Variants in PSD3 observed in about 807,000 individuals in gnomAD.
PSD3 encodes PH and SEC7 domain-containing protein 3.
Under a neutral mutation model 105.5 loss-of-function variants are expected in PSD3, and 49 were observed. The observed-to-expected ratio is 0.46, with a 90% CI of 0.37 to 0.59. PSD3 has a LOEUF of 0.59. PSD3 is among the 20% of genes least tolerant of loss of function. The pLI is 0.00. For synonymous variants in PSD3, 557 were observed against 457.8 expected, an observed-to-expected ratio of 1.22 and a Z score of -2.77; for missense variants, 1,561 against 1,263.8, an observed-to-expected ratio of 1.24 and a Z score of -3.57.
chr8:18,802,417 A>T lies in PSD3; in HGVS notation c.1911-1035T>A, dbSNP rs185634050. On this transcript the variant is annotated intron_variant, in intron 6 of 15. Coordinates refer to ENST00000327040, the MANE Select transcript of PSD3 (RefSeq NM_015310.4). Reference sequence around the variant, plus strand: ...ATGTCTAAGAAATCTTACTATGGTAAAAAACATACCATGAGCCTCATTTCT... The same window carrying T: ...ATGTCTAAGAAATCTTACTATGGTATAAAACATACCATGAGCCTCATTTCT... 14 of 389,428 alleles carry T rather than the reference A, an allele frequency of 3.6e-5. No individual in the cohort carries two copies. The East Asian group carries it at 1.0e-3, about 28-fold the overall frequency. 24.1% of individuals were successfully genotyped at this position (389,428 alleles called of 1,614,324 possible). A position where few individuals can be genotyped will look rare whatever the true frequency, so the allele number is the denominator to read the frequency against.
At chr8:18,848,694 T>C (rs564881470) in intron 4 of PSD3, among the ~76,000 whole-genome samples, 3 of 152,326 alleles carry the variant, frequency 2.0e-5, no homozygotes, top group Non-Finnish European at 4.4e-5. Context: ...AAAATGTTTT[T>C]CTCCTTTAAA....
At chr8:18,711,777 G>C (rs1297223897) in intron 9 of PSD3, among the ~76,000 whole-genome samples, 1 of 152,142 alleles carries the variant, frequency 6.6e-6, no homozygotes, top group African/African-American at 2.4e-5. Context: ...GGATCAAGCA[G>C]ACCTGACAGG....
At chr8:18,536,134 G>T (rs762717345) in intron 15 of PSD3, among the ~76,000 whole-genome samples, 176 bp from the exon 16 acceptor site, 1 of 152,212 alleles carries the variant, frequency 6.6e-6, no homozygotes, top group East Asian at 1.9e-4. Context: ...CAACTACAGA[G>T]ACTGTCTTAT....
rs142707093 is a variant in PSD3, at chr8:19,077,620, A to G, written c.324+6586T>C. Among the ~76,000 whole-genome samples the G allele has an allele frequency of 1.1e-3, 175 of 152,334 alleles. 1 individual carries two copies. Among genetic ancestry groups the G allele is most frequent in the African/African-American group, 3.9e-3 (164 of 41,574 alleles). On this transcript the variant is annotated intron_variant, in intron 1 of 1. Coordinates refer to the PSD3 transcript ENST00000521475. The stretch of plus-strand genomic sequence containing the variant: ...TAAGAGTGTAAACCGATTGCTTTGT[A>G]TAAATGTTTTATCAGAGCTCTCTCA...
intron 1 of PSD3, among the ~76,000 whole-genome samples, chr8:19,060,846 G>T (rs1828873519): frequency 6.6e-6 from 1 of 152,220 alleles, no homozygotes; most frequent in African/African-American, 2.4e-5. Context: ...AGTCATGCAA[G>T]GGCACGAGCT....
chr8:18,734,251 C>T (rs1354481042), intron 9 of PSD3: 1 of 152,146 alleles, frequency 6.6e-6, no homozygotes, highest in East Asian at 1.9e-4. Context: ...CAAGTTTCTT[C>T]ATCTATAAAA....
intron 9 of PSD3, among the ~76,000 whole-genome samples, chr8:18,763,829 T>G (rs542397961): frequency 1.3e-5 from 2 of 152,218 alleles, no homozygotes; most frequent in South Asian, 2.1e-4. Flanking sequence ...ATACTTCACT[T>G]GACAATTACC....
intron 8 of PSD3, among the ~76,000 whole-genome samples, chr8:18,789,198 C>T (rs1809468820): frequency 6.6e-6 from 1 of 152,152 alleles, no homozygotes; most frequent in African/African-American, 2.4e-5. Context: ...TTCCAGATGT[C>T]CATGAGGTCA....
intron 4 of PSD3, among the ~76,000 whole-genome samples, chr8:18,848,397 T>C (rs1212553410): frequency 1.3e-5 from 2 of 152,198 alleles, no homozygotes; most frequent in South Asian, 2.1e-4. Context: ...TCTTAGCCTC[T>C]TGCCAGAGCT....
At chr8:18,578,661 G>A (rs1342359929) in intron 12 of PSD3, among the ~76,000 whole-genome samples, 1 of 151,546 alleles carries the variant, frequency 6.6e-6, no homozygotes, top group East Asian at 1.9e-4. Context: ...TATTCTTCGA[G>A]TATATTATCT....
exon 1 of PSD3, chr8:19,084,554 C>G (rs991744718): frequency 1.3e-5 from 5 of 385,306 alleles, no homozygotes; most frequent in African/African-American, 1.0e-4. Context: ...TAGGAAGCCT[C>G]CATGCCAGGG....
chr8:18,924,614 G>C (rs1821244576), intron 2 of PSD3: 1 of 152,170 alleles, frequency 6.6e-6, no homozygotes, highest in Non-Finnish European at 1.5e-5. Flanking sequence ...ATAACTCGTA[G>C]GTTTCCTGGG....
chr8:18,808,726 T>C, intron 4 of PSD3: 1 of 1,613,938 alleles, frequency 6.2e-7, no homozygotes. Context: ...ATCAGAAAGC[T>C]TGACAATATG....
chr8:18,988,831 T>A (rs1225684731), intron 1 of PSD3, among the ~76,000 whole-genome samples: 1 of 152,206 alleles, frequency 6.6e-6, no homozygotes, highest in Admixed American at 6.5e-5. Flanking sequence ...TCTTAACCAT[T>A]GTTTTACAAG....
At chr8:18,659,468 C>T (rs529699898) in intron 9 of PSD3, among the ~76,000 whole-genome samples, 182 of 152,322 alleles carry the variant, frequency 1.2e-3, no homozygotes, top group African/African-American at 4.2e-3. Flanking sequence ...TAATTAACTT[C>T]TCTCCACATT....
chr8:18,906,582 A>T (rs558398649), intron 2 of PSD3, among the ~76,000 whole-genome samples: 1 of 152,332 alleles, frequency 6.6e-6, no homozygotes, highest in African/African-American at 2.4e-5. Flanking sequence ...CAGGTTTTGT[A>T]GGGACAATAT....
intron 9 of PSD3, among the ~76,000 whole-genome samples, chr8:18,744,206 G>T (rs1262504401): frequency 6.6e-6 from 1 of 152,044 alleles, no homozygotes. Flanking sequence ...CATCCTGTAG[G>T]CTTTACATGG....
intron 1 of PSD3, among the ~76,000 whole-genome samples, chr8:19,070,930 C>A (rs1472834): frequency 0.28 from 42,642 of 152,048 alleles, 6,286 homozygotes; most frequent in South Asian, 0.36. Context: ...TTAGGCTAGG[C>A]AGGCCTGGCT....
chr8:18,931,039 TA>T (rs1821716362), intron 2 of PSD3, among the ~76,000 whole-genome samples: 1 of 152,206 alleles, frequency 6.6e-6, no homozygotes, highest in African/African-American at 2.4e-5. Flanking sequence ...CCCTAATAAC[TA>T]ATAATGTTGA....
Sources: gnomAD v4.1 joint callset for allele counts (sites outside exome capture counted in the v4.1 genomes callset) on GRCh38, gnomAD v4.1.1 for gene constraint, MANE v1.5 for transcripts, NCBI Gene and HGNC (gene_info 2026-07-23, HGNC 2026-07-21) for gene names.